Variants in ESCO1 observed in about 807,000 individuals in gnomAD.
ESCO1 encodes the protein N-acetyltransferase ESCO1.
ESCO1 carries 33 observed loss-of-function variants against 83.5 expected under a neutral mutation model. The observed-to-expected ratio is 0.40, with a 90% CI of 0.30 to 0.53. The LOEUF is 0.53. Among genes scored for constraint, ESCO1 ranks in the 20% least tolerant of loss-of-function variants. ESCO1 has a pLI of 0.63. For missense variants in ESCO1, 855 were observed against 968.0 expected (o/e 0.88, Z 1.55); for synonymous variants, 332 against 324.3 (o/e 1.02, Z -0.25).
chr18:21,546,885 C>T (rs1335517278), intron 8 of ESCO1, among the ~76,000 whole-genome samples: 2 of 152,130 alleles, frequency 1.3e-5, no homozygotes, highest in East Asian at 3.8e-4. Context: ...TCCTGCCTTA[C>T]AAGGTCATTC....
In ESCO1 at chr18:21,574,891, G is replaced by C; in HGVS notation, c.-48C>G. ...CTGAGTAGTTTTGAAGAGGATTTTT[G>C]TGTCCTGGTAGGCGTGAATGCTGAC... On this transcript the variant is annotated 5_prime_UTR_variant, in exon 4 of 12. Coordinates refer to ENST00000269214, the MANE Select transcript of ESCO1 (RefSeq NM_052911.3). 1 of 1,466,218 alleles carries C rather than the reference G, an allele frequency of 6.8e-7. No homozygotes were observed. The highest frequency in any genetic ancestry group is 2.3e-5 in the East Asian group (1 of 44,032). The allele number at this position is 1,466,218 out of a possible 1,614,324, so 90.8% of individuals were successfully genotyped here. A position where few individuals can be genotyped will look rare whatever the true frequency, so the allele number is the denominator to read the frequency against.
chr18:21,562,238 T>C (rs1208588559), intron 7 of ESCO1, among the ~76,000 whole-genome samples: 1 of 152,100 alleles, frequency 6.6e-6, no homozygotes, highest in African/African-American at 2.4e-5. Flanking sequence ...CTCACGCTTG[T>C]AATCCCAGCA....
chr18:21,599,529 T>C (rs1301355462), intron 1 of ESCO1, among the ~76,000 whole-genome samples: 1 of 152,218 alleles, frequency 6.6e-6, no homozygotes, highest in Non-Finnish European at 1.5e-5. Context: ...AACCACACCT[T>C]ATGCCACCAA....
intron 7 of ESCO1, among the ~76,000 whole-genome samples, chr18:21,562,963 C>T (rs949160002): frequency 1.3e-5 from 2 of 151,228 alleles, no homozygotes; most frequent in Non-Finnish European, 2.9e-5. Flanking sequence ...CCTCCACCTT[C>T]CGAGTTCAAG....
intron 1 of ESCO1, among the ~76,000 whole-genome samples, chr18:21,594,933 G>C (rs1486902040): frequency 1.8e-5 from 2 of 108,420 alleles, no homozygotes; most frequent in Admixed American, 1.7e-4. Flanking sequence ...TACTGTGTGT[G>C]TGTGTGTGTG....
intron 2 of ESCO1, among the ~76,000 whole-genome samples, chr18:21,583,472 C>CGTCTCT (rs2038531230): frequency 6.6e-6 from 1 of 151,978 alleles, no homozygotes; most frequent in African/African-American, 2.4e-5. Context: ...GGTGAAACCC[C>CGTCTCT]ATCTCTACTA....
intron 10 of ESCO1, 93 bp downstream of exon 10, chr18:21,535,949 T>G (rs2037831245): frequency 4.8e-6 from 7 of 1,463,678 alleles, no homozygotes; most frequent in Non-Finnish European, 6.5e-6. Context: ...TTACATGAAA[T>G]GGAGACAAAT....
At chr18:21,535,697 A>T (rs1008206433) in intron 10 of ESCO1, among the ~76,000 whole-genome samples, 20 of 151,880 alleles carry the variant, frequency 1.3e-4, no homozygotes, top group African/African-American at 4.1e-4. Context: ...TTGTATTTTC[A>T]GTAGAGAACA....
At chr18:21,598,422 G>A (rs1413310594) in intron 1 of ESCO1, among the ~76,000 whole-genome samples, 1 of 152,144 alleles carries the variant, frequency 6.6e-6, no homozygotes. Context: ...TTACTTGGCC[G>A]GGCATGGTGG....
chr18:21,531,893 C>CAAA (rs10646843), intron 11 of ESCO1, among the ~76,000 whole-genome samples: 39,541 of 81,412 alleles, frequency 0.49, 11,237 homozygotes, highest in Non-Finnish European at 0.62. Context: ...GACTCCATCT[C>CAAA]AAAAAAAAAA....
intron 9 of ESCO1, among the ~76,000 whole-genome samples, 195 bp from the exon 10 acceptor site, chr18:21,536,380 A>C (rs2037837245): frequency 6.6e-6 from 1 of 152,072 alleles, no homozygotes; most frequent in African/African-American, 2.4e-5. Context: ...GCCTGAGCTC[A>C]GGAGTTCACG....
At chr18:21,549,202 T>C (rs1357899552) in intron 8 of ESCO1, among the ~76,000 whole-genome samples, 4 of 152,182 alleles carry the variant, frequency 2.6e-5, no homozygotes, top group African/African-American at 9.6e-5. Context: ...CAAAATGCCA[T>C]TTGAGTATCC....
At chr18:21,599,042 CAAAA>C (rs34829152) in intron 1 of ESCO1, among the ~76,000 whole-genome samples, 1 of 127,978 alleles carries the variant, frequency 7.8e-6, no homozygotes, top group East Asian at 2.2e-4. Flanking sequence ...TTTTGCTTTT[CAAAA>C]AAAAAAAAAA....
In ESCO1 at chr18:21,574,148, A is replaced by G. The variant is rs1261859700; in HGVS notation, c.696T>C (p.Thr232=). ...GCACAGGTTTCGTTTCGTCTCTTCT[A>G]GTAGTCTTCTGAGGACACTTTTCAG... ...QGSEKCPQKT[T]RRDETKPVPV... Residue 232 remains threonine (T), a synonymous_variant, in exon 4 of 12, where the codon ACT becomes ACC. Transcript: ENST00000269214. The G allele has an allele frequency of 6.2e-7, 1 of 1,613,902 alleles. No homozygotes were observed. The highest frequency in any genetic ancestry group is 8.5e-7 in the Non-Finnish European group (1 of 1,180,014).
At chr18:21,595,162 T>C (rs973446925) in intron 1 of ESCO1, among the ~76,000 whole-genome samples, 2 of 151,944 alleles carry the variant, frequency 1.3e-5, no homozygotes, top group Non-Finnish European at 2.9e-5. Flanking sequence ...CTATGGTATA[T>C]ATTTTAAACA....
chr18:21,574,150 T>A lies in ESCO1; in HGVS notation c.694A>T (p.Thr232Ser), dbSNP rs1289025727. 3 of 1,613,920 alleles carry A rather than the reference T, an allele frequency of 1.9e-6. No homozygotes were observed. The highest frequency in any genetic ancestry group is 2.5e-6 in the Non-Finnish European group (3 of 1,179,998). The change falls in exon 4 of 12, where the codon ACT (threonine) becomes TCT (serine). Residue 232 changes from threonine (T) to serine (S), a missense_variant. Thr to Ser is a moderately conservative substitution (Grantham distance 58). This residue lies in a region of ESCO1 where 726 missense variants were observed against 699.5 expected (regional missense o/e 1.04). Coordinates refer to ENST00000269214, the MANE Select transcript of ESCO1 (RefSeq NM_052911.3). ...QGSEKCPQKT[T>S]RRDETKPVPV... ...ACAGGTTTCGTTTCGTCTCTTCTAG[T>A]AGTCTTCTGAGGACACTTTTCAGAT...
At chr18:21,558,523 G>A (rs145719120) in intron 8 of ESCO1, among the ~76,000 whole-genome samples, 82 of 152,202 alleles carry the variant, frequency 5.4e-4, no homozygotes, top group African/African-American at 1.9e-3. Context: ...GAGGTCAGGA[G>A]TTCAAGACCA....
chr18:21,594,172 C>T lies in ESCO1; in HGVS notation c.-825+6451G>A, dbSNP rs376926343. 5.7e-4 allele frequency among the ~76,000 whole-genome samples: 87 copies of T among 152,236 alleles called. 1 individual carries two copies. Among genetic ancestry groups the T allele is most frequent in the African/African-American group, 2.0e-3 (85 of 41,532 alleles). ...AGGCAAAATCACCCTGGGTTGAGACCTACTACTATAACAGCAAAGAACTAA... is the reference window on the plus strand; with the variant it reads ...AGGCAAAATCACCCTGGGTTGAGACTTACTACTATAACAGCAAAGAACTAA... On this transcript the variant is annotated intron_variant, in intron 1 of 11. Coordinates refer to ENST00000269214, the MANE Select transcript of ESCO1 (RefSeq NM_052911.3).
At chr18:21,589,622 A>G (rs2038633720) in intron 1 of ESCO1, among the ~76,000 whole-genome samples, 1 of 152,168 alleles carries the variant, frequency 6.6e-6, no homozygotes, top group African/African-American at 2.4e-5. Context: ...TCAGTTCCAT[A>G]AAACACTGGT....
Sources: gnomAD v4.1 joint callset for allele counts (sites outside exome capture counted in the v4.1 genomes callset) on GRCh38, gnomAD v4.1.1 for gene constraint, gnomAD v4.1.1 regional missense constraint, MANE v1.5 for transcripts, NCBI Gene and HGNC (gene_info 2026-07-23, HGNC 2026-07-21) for gene names.